DLG4: variants seen among roughly 807,000 people sequenced by gnomAD.
DLG4 encodes the protein disks large homolog 4.
DLG4 carries 7 observed loss-of-function variants against 93.8 expected under a neutral mutation model. The ratio of observed to expected loss-of-function variants is 0.07; its 90% CI spans 0.04 to 0.14. DLG4 has a LOEUF of 0.14. Ranked by LOEUF, DLG4 falls within the 10% of genes least tolerant of loss-of-function variation. DLG4 has a pLI of 1.00. For missense variants in DLG4, 545 were observed against 992.9 expected, an observed-to-expected ratio of 0.55 and a Z score of 6.06; for synonymous variants, 341 against 387.6, an observed-to-expected ratio of 0.88 and a Z score of 1.41.
chr17:7,208,014 A>C lies in DLG4; in HGVS notation c.96+160T>G. The C allele has an allele frequency of 4.5e-6, 5 of 1,118,652 alleles. No homozygotes were observed. Among genetic ancestry groups the C allele is most frequent in the Non-Finnish European group, 5.5e-6 (5 of 903,728 alleles). 69.3% of individuals were successfully genotyped at this position (1,118,652 alleles called of 1,614,324 possible). A position where few individuals can be genotyped will look rare whatever the true frequency, so the allele number is the denominator to read the frequency against. On this transcript the variant is annotated intron_variant, in intron 2 of 19. Coordinates refer to ENST00000399506, the MANE Select transcript of DLG4 (RefSeq NM_001321075.3). The surrounding 1 kb of genome is among the most constrained non-coding windows in gnomAD (Gnocchi z 5.4). ...TCTCTCACCCTACCGGCCCTTAGGG[A>C]TTGCTGCAGCTCCGAGGCTCCGAGG... is the stretch of plus-strand genomic sequence containing the variant.
At chr17:7,218,712 TC>T (rs1233223802), upstream of DLG4, 1 of 1,547,528 alleles carries the variant, frequency 6.5e-7, no homozygotes, top group Non-Finnish European at 8.8e-7. Flanking sequence ...TCACTTCATC[TC>T]CCCAGACTGT....
chr17:7,196,667 G>C lies in DLG4; in HGVS notation c.1083+90C>G, dbSNP rs566442642. The C allele has an allele frequency of 1.1e-5, 18 of 1,584,088 alleles. No homozygotes were observed. Among genetic ancestry groups the C allele is most frequent in the Non-Finnish European group, 1.4e-5 (16 of 1,163,438 alleles). On this transcript the variant is annotated intron_variant, in intron 9 of 19. Coordinates refer to ENST00000399506, the MANE Select transcript of DLG4 (RefSeq NM_001321075.3). This position sits in a 1 kb window ranked among gnomAD's most constrained non-coding sequence, Gnocchi z 8.3. ...AGGGAGTGGTCCCGCAAGAGGACTC[G>C]GCTGCAGCCCATCCAGGCCCCTCCC...
rs1177747678 is a variant in DLG4 at position 7,191,112 on chromosome 17, G to A, written c.2068+155C>T. ...GGCCTACCGAGTAGCTGGGATTACA[G>A]GTGCCCGCCAGTGCTGGGATTACAG... On this transcript the variant is annotated intron_variant, in intron 19 of 19. Transcript: ENST00000399506. This position sits in a 1 kb window ranked among gnomAD's most constrained non-coding sequence, Gnocchi z 6.6. Among the ~76,000 whole-genome samples the A allele has an allele frequency of 6.6e-6, 1 of 150,854 alleles. No individual in the cohort carries two copies. Among genetic ancestry groups the A allele is most frequent in the Admixed American group, 6.6e-5 (1 of 15,164 alleles).
chr17:7,192,854 C>CAG (rs148186868), intron 17 of DLG4, 91 bp downstream of exon 17: 523 of 1,325,810 alleles, frequency 3.9e-4, no homozygotes, highest in Non-Finnish European at 4.6e-4. Context: ...GGGAAAGAGA[C>CAG]AGAGAGAGAG....
chr17:7,196,668 G>C lies in DLG4; in HGVS notation c.1083+89C>G. Reference sequence around the variant, plus strand: ...GGGAGTGGTCCCGCAAGAGGACTCGGCTGCAGCCCATCCAGGCCCCTCCCC... The same window carrying C: ...GGGAGTGGTCCCGCAAGAGGACTCGCCTGCAGCCCATCCAGGCCCCTCCCC... On this transcript the variant is annotated intron_variant, in intron 9 of 19. Transcript: ENST00000399506. This position sits in a 1 kb window ranked among gnomAD's most constrained non-coding sequence, Gnocchi z 8.3. 1 of 1,584,200 alleles carries C rather than the reference G, an allele frequency of 6.3e-7. No individual in the cohort carries two copies. Among genetic ancestry groups the C allele is most frequent in the Non-Finnish European group, 8.6e-7 (1 of 1,163,596 alleles).
upstream of DLG4, chr17:7,217,924 G>A (rs2071010325): frequency 4.5e-6 from 5 of 1,115,636 alleles, no homozygotes; most frequent in South Asian, 2.8e-5. Flanking sequence ...TAGGGGGTCG[G>A]GTGTGAGGGA....
chr17:7,219,449 T>C, upstream of DLG4: 1 of 1,027,864 alleles, frequency 9.7e-7, no homozygotes. Context: ...ATGGCCTACA[T>C]CTCAGAAGAA....
At chr17:7,207,619 T>C (rs2070527212) in intron 2 of DLG4, among the ~76,000 whole-genome samples, 1 of 149,724 alleles carries the variant, frequency 6.7e-6, no homozygotes, top group African/African-American at 2.5e-5. Flanking sequence ...GAAATGGAGG[T>C]TGGGGGTGTG....
chr17:7,211,198 C>G (rs891078334), intron 1 of DLG4, among the ~76,000 whole-genome samples: 1 of 151,306 alleles, frequency 6.6e-6, no homozygotes, highest in Admixed American at 6.6e-5. Context: ...GGGATCAGCA[C>G]CTCTCAGTCT....
intron 1 of DLG4, among the ~76,000 whole-genome samples, chr17:7,216,200 C>T (rs1195469193): frequency 6.6e-6 from 1 of 152,070 alleles, no homozygotes; most frequent in Non-Finnish European, 1.5e-5. Context: ...TGATCCCAAG[C>T]GTCAGGGGTA....
At chr17:7,192,892 G>A in intron 17 of DLG4, 53 bp downstream of exon 17, 1 of 1,524,648 alleles carries the variant, frequency 6.6e-7, no homozygotes, top group Non-Finnish European at 8.9e-7. Flanking sequence ...GAGGGAGGCA[G>A]TGGGGTGGGG....
chr17:7,210,896 T>C (rs964169914), intron 1 of DLG4, among the ~76,000 whole-genome samples: 2 of 151,886 alleles, frequency 1.3e-5, no homozygotes, highest in East Asian at 1.9e-4. Flanking sequence ...AGGTAAACTT[T>C]TATCTCAGCG....
intron 8 of DLG4, among the ~76,000 whole-genome samples, chr17:7,201,391 TGAC>T: frequency 6.6e-6 from 1 of 152,310 alleles, no homozygotes; most frequent in East Asian, 1.9e-4. Flanking sequence ...TTAATTGTTA[TGAC>T]TGAGGGGGAG....
chr17:7,219,479 C>T (rs1225247537), upstream of DLG4: 3 of 1,041,284 alleles, frequency 2.9e-6, no homozygotes, highest in East Asian at 1.8e-4. Context: ...GGTACTCACA[C>T]CCTAGCTTGG....
upstream of DLG4, chr17:7,218,168 T>C: frequency 7.4e-7 from 1 of 1,342,752 alleles, no homozygotes; most frequent in Non-Finnish European, 1.0e-6. Context: ...CAGGTAATAT[T>C]AGTGATATTT....
At position 7,188,948 on chromosome 17, in the gene DLG4, C is replaced by A. The variant is rs1161613044; in HGVS notation, c.*1760G>T. On this transcript the variant is annotated 3_prime_UTR_variant, in exon 20 of 20. Transcript: ENST00000399506. ...CCAACAAAGCAAAACCCCATCTCTA[C>A]TAAAAATACAAAAATTAGCCAGGAG... is the stretch of plus-strand genomic sequence containing the variant. 6.6e-6 allele frequency among the ~76,000 whole-genome samples: 1 copy of A among 151,858 alleles called. No homozygotes were observed. Among genetic ancestry groups the A allele is most frequent in the Non-Finnish European group, 1.5e-5 (1 of 67,978 alleles).
At position 7,193,896 on chromosome 17, in the gene DLG4, G is replaced by A. The variant is rs1375579373; in HGVS notation, c.1516-25C>T. On this transcript the variant is annotated intron_variant, in intron 13 of 19. Coordinates refer to ENST00000399506, the MANE Select transcript of DLG4 (RefSeq NM_001321075.3). This position sits in a 1 kb window ranked among gnomAD's most constrained non-coding sequence, Gnocchi z 6.7. ...CCTAAGAAGAAAAAGCAGGCCACGG[G>A]GTTAGTTATGAGCTCAGCTCCATGA... The A allele has an allele frequency of 6.2e-7, 1 of 1,612,532 alleles. No individual in the cohort carries two copies. Among genetic ancestry groups the A allele is most frequent in the Non-Finnish European group, 8.5e-7 (1 of 1,179,424 alleles).
Position 7,191,637 on chromosome 17 carries a change from C to T in DLG4, c.1976+256G>A, listed in dbSNP as rs973023747. On this transcript the variant is annotated intron_variant, in intron 18 of 19. Coordinates refer to ENST00000399506, the MANE Select transcript of DLG4 (RefSeq NM_001321075.3). The surrounding 1 kb of genome is among the most constrained non-coding windows in gnomAD (Gnocchi z 6.6). ...ATGGGATTCGGACTCCAATTCCCAA[C>T]AGCCCTAGAGGCCCTGACTCGCCCC... 1 of 595,072 alleles carries T rather than the reference C, an allele frequency of 1.7e-6. No homozygotes were observed. The highest frequency in any genetic ancestry group is 3.0e-6 in the Non-Finnish European group (1 of 332,664). 36.9% of individuals were successfully genotyped at this position (595,072 alleles called of 1,614,324 possible).
chr17:7,214,024 C>T (rs1421104304), intron 1 of DLG4: 3 of 354,972 alleles, frequency 8.5e-6, no homozygotes, highest in African/African-American at 2.1e-5. Flanking sequence ...CCCCATCCCC[C>T]ATTTCCCTTT....
Sources: allele counts gnomAD v4.1 joint callset (sites outside exome capture counted in the v4.1 genomes callset), GRCh38; gene constraint gnomAD v4.1.1; non-coding constraint Gnocchi (gnomAD v3.1); transcripts MANE v1.5; gene names NCBI Gene and HGNC (gene_info 2026-07-23, HGNC 2026-07-21).